The following PITPNM2 variants were observed in gnomAD, a reference collection of about 807,000 sequenced individuals.
The protein encoded by PITPNM2 is phosphatidylinositol transfer protein membrane associated 2.
PITPNM2 carries 35 observed loss-of-function variants against 132.2 expected under a neutral mutation model. That is an observed-to-expected ratio of 0.26 (90% CI 0.20 to 0.35). PITPNM2 has a LOEUF of 0.35. PITPNM2 is among the 10% of genes least tolerant of loss of function. The pLI is 1.00. For missense variants in PITPNM2, 1,332 were observed against 1,912.0 expected, an observed-to-expected ratio of 0.70 and a Z score of 5.66; for synonymous variants, 738 against 799.2, an observed-to-expected ratio of 0.92 and a Z score of 1.29.
At chr12:123,145,445 C>A (rs750849473) in intron 1 of PITPNM2, among the ~76,000 whole-genome samples, 1 of 152,132 alleles carries the variant, frequency 6.6e-6, no homozygotes, top group Non-Finnish European at 1.5e-5. Context: ...CCCATGACTC[C>A]CGCTGACGTC....
intron 2 of PITPNM2, among the ~76,000 whole-genome samples, chr12:123,100,957 C>G (rs973977187): frequency 1.3e-5 from 2 of 152,194 alleles, no homozygotes; most frequent in Non-Finnish European, 2.9e-5. Flanking sequence ...TCCACGTGCC[C>G]CATTCCCCAC....
At chr12:122,997,276 G>A in intron 11 of PITPNM2, 49 bp downstream of exon 11, 1 of 1,607,408 alleles carries the variant, frequency 6.2e-7, no homozygotes, top group Non-Finnish European at 8.5e-7. Context: ...GGGGTAGGAG[G>A]AGGACAGTGC....
At chr12:123,127,992 CAACA>C (rs2043183305) in intron 1 of PITPNM2, among the ~76,000 whole-genome samples, 1 of 151,972 alleles carries the variant, frequency 6.6e-6, no homozygotes, top group Admixed American at 6.6e-5. Flanking sequence ...GCTTGTCTTG[CAACA>C]GACATTAAAA....
intron 1 of PITPNM2, among the ~76,000 whole-genome samples, chr12:123,112,760 T>C (rs185668743): frequency 6.6e-6 from 1 of 151,996 alleles, no homozygotes; most frequent in South Asian, 2.1e-4. Flanking sequence ...GGATGGTCTT[T>C]ATCTCCTGAC....
intron 3 of PITPNM2, among the ~76,000 whole-genome samples, chr12:123,016,874 T>C (rs2136285888): frequency 6.6e-6 from 1 of 151,124 alleles, no homozygotes; most frequent in East Asian, 2.0e-4. Flanking sequence ...TGAAACCCTG[T>C]CTCTACTAAA....
chr12:123,003,329 T>C (rs1321608591), intron 8 of PITPNM2, among the ~76,000 whole-genome samples: 5 of 152,184 alleles, frequency 3.3e-5, no homozygotes, highest in Non-Finnish European at 5.9e-5. Flanking sequence ...AGGACACCGC[T>C]GTCCTGGCAC....
intron 1 of PITPNM2, among the ~76,000 whole-genome samples, chr12:123,128,264 C>CAAA (rs1170397011): frequency 4.4e-5 from 1 of 22,752 alleles, no homozygotes; most frequent in African/African-American, 2.2e-4. Flanking sequence ...CCCATCTCTA[C>CAAA]AAAAAAAAAA....
At chr12:123,143,477 C>T (rs761454443) in intron 1 of PITPNM2, among the ~76,000 whole-genome samples, 2 of 152,172 alleles carry the variant, frequency 1.3e-5, no homozygotes, top group Admixed American at 6.5e-5. Context: ...GTATGACGTA[C>T]GTACGAACTC....
At position 123,146,937 on chromosome 12, in the gene PITPNM2, CCA is replaced by C. The variant is rs1306351205; in HGVS notation, c.-200+3814_-200+3815del. ...CAACAGGGTGCAGGCCCTCCCAGCTCCAGTCTTCTGGGACCCTCCATCAAAGA... is the reference window on the plus strand; with the variant it reads ...CAACAGGGTGCAGGCCCTCCCAGCTCGTCTTCTGGGACCCTCCATCAAAGA... On this transcript the variant is annotated intron_variant, in intron 1 of 25. Coordinates refer to ENST00000320201, the MANE Select transcript of PITPNM2 (RefSeq NM_020845.3). Among the ~76,000 whole-genome samples the C allele has an allele frequency of 3.3e-5, 5 of 152,318 alleles. No homozygotes were observed. The East Asian group carries it at 9.6e-4, about 29-fold the overall frequency.
At chr12:122,991,777 C>G in intron 16 of PITPNM2, 1 of 1,298,046 alleles carries the variant, frequency 7.7e-7, no homozygotes, top group African/African-American at 1.5e-5. Context: ...CCGGGCGGGG[C>G]CCGTCTTGCC....
chr12:123,048,756 T>C (rs1231434927), intron 2 of PITPNM2, among the ~76,000 whole-genome samples: 1 of 152,148 alleles, frequency 6.6e-6, no homozygotes, highest in African/African-American at 2.4e-5. Flanking sequence ...TTTGGGAAGA[T>C]GAAAAAGTCC....
At chr12:123,093,482 ACGCG>A (rs1257441809) in intron 2 of PITPNM2, among the ~76,000 whole-genome samples, 7,273 of 151,710 alleles carry the variant, frequency 0.048, 584 homozygotes, top group African/African-American at 0.17. Context: ...ACACACACAC[ACGCG>A]CACACACACA....
At chr12:123,133,148 C>T (rs2043303647) in intron 1 of PITPNM2, among the ~76,000 whole-genome samples, 1 of 152,208 alleles carries the variant, frequency 6.6e-6, no homozygotes, top group African/African-American at 2.4e-5. Context: ...TCTTCCACAG[C>T]AGCTGCAACC....
At chr12:123,087,975 C>T (rs1039153311) in intron 2 of PITPNM2, 3 of 152,204 alleles carry the variant, frequency 2.0e-5, no homozygotes, top group African/African-American at 7.2e-5. Flanking sequence ...CCCAAGTGAG[C>T]ATGTTAAAAT....
intron 10 of PITPNM2, among the ~76,000 whole-genome samples, chr12:122,999,026 G>A (rs960911424): frequency 1.3e-5 from 2 of 151,746 alleles, no homozygotes; most frequent in Admixed American, 6.6e-5. Flanking sequence ...CAGGAAAATC[G>A]TTTGTACCCA....
Position 123,080,466 on chromosome 12 carries a change from G to C in PITPNM2, c.-96+29919C>G, listed in dbSNP as rs1196309151. The stretch of plus-strand genomic sequence containing the variant: ...TCCTAAGGGATTTGTTCCCAAAGTT[G>C]CAGGCCCAGAGGCCCCAAACTGAGT... On this transcript the variant is annotated intron_variant, in intron 2 of 25. Transcript: ENST00000320201. Among the ~76,000 whole-genome samples, 3 of 152,154 alleles carry C rather than the reference G, an allele frequency of 2.0e-5. No individual in the cohort carries two copies. In the East Asian group the frequency reaches 5.8e-4, roughly 29 times the overall value.
chr12:123,121,271 G>A (rs570935577), intron 1 of PITPNM2, among the ~76,000 whole-genome samples: 2 of 152,374 alleles, frequency 1.3e-5, no homozygotes, highest in African/African-American at 4.8e-5. Flanking sequence ...CACTTTACGA[G>A]GCCGAGATAG....
At position 123,099,845 on chromosome 12, in the gene PITPNM2, G is replaced by A. The variant is rs1258253924; in HGVS notation, c.-96+10540C>T. Among the ~76,000 whole-genome samples the A allele has an allele frequency of 6.6e-6, 1 of 152,148 alleles. No homozygotes were observed. Among genetic ancestry groups the A allele is most frequent in the Non-Finnish European group, 1.5e-5 (1 of 68,024 alleles). ...TGTGCCAGGCACTGACAGCCTGGGAGGCCTATTCCCAGGGGCAATCAGAAG... is the reference window on the plus strand; with the variant it reads ...TGTGCCAGGCACTGACAGCCTGGGAAGCCTATTCCCAGGGGCAATCAGAAG... On this transcript the variant is annotated intron_variant, in intron 2 of 25. Transcript: ENST00000320201. The surrounding 1 kb of genome is among the most constrained non-coding windows in gnomAD (Gnocchi z 4.2).
intron 1 of PITPNM2, among the ~76,000 whole-genome samples, chr12:123,118,682 C>A (rs959367829): frequency 6.6e-6 from 1 of 152,204 alleles, no homozygotes; most frequent in Admixed American, 6.5e-5. Context: ...ACCAAGCTAG[C>A]CTGGAAAGCT....
Sources: gnomAD v4.1 joint callset for allele counts (sites outside exome capture counted in the v4.1 genomes callset) on GRCh38, gnomAD v4.1.1 for gene constraint, Gnocchi (gnomAD v3.1) non-coding constraint, MANE v1.5 for transcripts, NCBI Gene and HGNC (gene_info 2026-07-23, HGNC 2026-07-21) for gene names.